Variants in FBN3 observed in about 807,000 individuals in gnomAD.
FBN3 encodes the protein fibrillin 3, also known as fibrillin-3.
Under a neutral mutation model 330.1 loss-of-function variants are expected in FBN3, and 234 were observed. That is an observed-to-expected ratio of 0.71 (90% CI 0.64 to 0.79). FBN3 has a LOEUF of 0.79. Ranked by LOEUF, FBN3 falls within the 30% of genes least tolerant of loss-of-function variation. The pLI, the probability that FBN3 is intolerant of heterozygous loss-of-function variation, is 0.00. For missense variants in FBN3, 3,606 were observed against 3,886.9 expected, an observed-to-expected ratio of 0.93 and a Z score of 1.92; for synonymous variants, 1,458 against 1,517.3, an observed-to-expected ratio of 0.96 and a Z score of 0.91.
At position 8,138,418 on chromosome 19, in the gene FBN3, C is replaced by G; in HGVS notation, c.1012G>C (p.Gly338Arg). 6.2e-7 allele frequency: 1 copy of G among 1,611,510 alleles called. No individual in the cohort carries two copies. Among genetic ancestry groups the G allele is most frequent in the South Asian group, 1.1e-5 (1 of 90,986 alleles). ...GGCTGCAGCTCTTACTCACTGGAGC[C>G]CCGAGGAGGACACAGCTCAGGGACC... is the stretch of plus-strand genomic sequence containing the variant. ...GPVPELCPPR[G>R]SNEFQQLCAQ... The change falls in exon 9 of 64, where the codon GGC becomes CGC. Residue 338 changes from glycine (G) to arginine (R), a missense_variant. By Grantham distance (125) the Gly-to-Arg change is moderately radical. Coordinates refer to ENST00000600128, the MANE Select transcript of FBN3 (RefSeq NM_032447.5).
At position 8,086,188 on chromosome 19, in the gene FBN3, A is replaced by G. The variant is rs747635788; in HGVS notation, c.6880+12T>C. 2.6e-6 allele frequency: 4 copies of G among 1,559,992 alleles called. No homozygotes were observed. The highest frequency in any genetic ancestry group is 1.7e-5 in the Admixed American group (1 of 57,438). On this transcript the variant is annotated intron_variant, in intron 55 of 63. Transcript: ENST00000600128. ...GTGGTTGCAACCACTGTGCGTGTCCAGCCACACTCACCGTGGCACTCGGTA... is the reference window on the plus strand; with the variant it reads ...GTGGTTGCAACCACTGTGCGTGTCCGGCCACACTCACCGTGGCACTCGGTA...
At chr19:8,106,373 G>T in intron 37 of FBN3, 140 bp from the exon 38 acceptor site, 1 of 742,208 alleles carries the variant, frequency 1.3e-6, no homozygotes. Flanking sequence ...CATTTAAAGG[G>T]TCTATCTTGA....
In FBN3 at chr19:8,112,001, C is replaced by T. The variant is rs780236812; in HGVS notation, c.3937G>A (p.Val1313Met). ...SFSCRCLPGW[V>M]GDGFECHDLD... The stretch of plus-strand genomic sequence containing the variant: ...CCGTGACATTCGAAGCCATCCCCCA[C>T]CCAGCCTGGCAGGCACCTACAGCTG... The change falls in exon 31 of 64, where the codon GTG (valine) becomes ATG (methionine). Residue 1313 changes from valine (V) to methionine (M), a missense_variant. Coordinates refer to ENST00000600128, the MANE Select transcript of FBN3 (RefSeq NM_032447.5). The T allele has an allele frequency of 3.7e-6, 6 of 1,611,086 alleles. No homozygotes were observed. In the East Asian group the frequency reaches 1.1e-4, roughly 30 times the overall value.
chr19:8,081,095 T>C lies in FBN3; in HGVS notation c.7361A>G (p.Gln2454Arg). 6.2e-7 allele frequency: 1 copy of C among 1,613,814 alleles called. No individual in the cohort carries two copies. The highest frequency in any genetic ancestry group is 1.1e-5 in the South Asian group (1 of 91,082). ...CKDLDECTSR[Q>R]HNCQFLCVNT... is the part of the protein sequence containing the mutation. The stretch of plus-strand genomic sequence containing the variant: ...GACACAGAGGAACTGACAGTTGTGC[T>C]GCCGGGAGGTGCATTCGTCCAGGTC... The change falls in exon 59 of 64, where the codon CAG (glutamine) becomes CGG (arginine). Residue 2454 changes from glutamine (Q) to arginine (R), a missense_variant. Coordinates refer to ENST00000600128, the MANE Select transcript of FBN3 (RefSeq NM_032447.5).
At chr19:8,119,544 C>T (rs1301202426) in intron 25 of FBN3, among the ~76,000 whole-genome samples, 1 of 152,106 alleles carries the variant, frequency 6.6e-6, no homozygotes, top group African/African-American at 2.4e-5. Flanking sequence ...GATGGAGTCT[C>T]GCTCTGTTGC....
At chr19:8,088,227 C>T in intron 51 of FBN3, 48 bp from the exon 52 acceptor site, 1 of 1,541,578 alleles carries the variant, frequency 6.5e-7, no homozygotes, top group Non-Finnish European at 8.7e-7. Flanking sequence ...GGTCCCCCAT[C>T]CTCAGTAGCA....
chr19:8,079,944 G>A (rs988800280), intron 59 of FBN3, among the ~76,000 whole-genome samples: 4 of 152,112 alleles, frequency 2.6e-5, no homozygotes, highest in South Asian at 4.2e-4. Context: ...TTCTGTGCTA[G>A]AAGGAAAGTT....
intron 46 of FBN3, 76 bp downstream of exon 46, chr19:8,095,299 C>A: frequency 6.8e-7 from 1 of 1,473,490 alleles, no homozygotes; most frequent in South Asian, 1.3e-5. Context: ...TCTATGCTCA[C>A]CCAGAAGTAC....
intron 11 of FBN3, 24 bp downstream of exon 11, chr19:8,136,364 C>T (rs770854323): frequency 6.2e-7 from 1 of 1,610,096 alleles, no homozygotes; most frequent in Non-Finnish European, 8.5e-7. Flanking sequence ...GAACCGCCCC[C>T]CCTTCCACCT....
At chr19:8,111,944 C>G (rs2082596844) in intron 31 of FBN3, 33 bp downstream of exon 31, 4 of 1,044,708 alleles carry the variant, frequency 3.8e-6, no homozygotes, top group Non-Finnish European at 5.4e-6. Flanking sequence ...ACCTCTACTG[C>G]TTTGCCCCCA....
intron 16 of FBN3, among the ~76,000 whole-genome samples, chr19:8,130,868 G>T (rs1410347792): frequency 2.0e-5 from 3 of 151,088 alleles, no homozygotes; most frequent in African/African-American, 7.3e-5. Context: ...AAAAAGGGTG[G>T]GGGGAGTTTT....
At position 8,125,989 on chromosome 19, in the gene FBN3, T is replaced by C; in HGVS notation, c.2634A>G (p.Gly878=). The change falls in exon 22 of 64, where the codon GGA becomes GGG. Residue 878 remains glycine (G), a synonymous_variant. Coordinates refer to ENST00000600128, the MANE Select transcript of FBN3 (RefSeq NM_032447.5). ...TGACGCAACGCCCGTTGGGACAGAC[T>C]CCCGGGAAGGACTCACACTCGTTCA... ...DDVNECESFP[G]VCPNGRCVNT... 3 of 1,613,688 alleles carry C rather than the reference T, an allele frequency of 1.9e-6. No homozygotes were observed. The highest frequency in any genetic ancestry group is 2.5e-6 in the Non-Finnish European group (3 of 1,179,942).
chr19:8,125,684 A>T (rs62126087), intron 22 of FBN3, among the ~76,000 whole-genome samples: 1 of 151,302 alleles, frequency 6.6e-6, no homozygotes, highest in South Asian at 2.1e-4. Context: ...CCAGCTACTC[A>T]GGAGGCTGAG....
intron 16 of FBN3, among the ~76,000 whole-genome samples, chr19:8,130,599 A>AGGAAGGAAGGAAG (rs1340081934): frequency 1.4e-4 from 2 of 14,298 alleles, no homozygotes; most frequent in Non-Finnish European, 2.8e-4. Flanking sequence ...AAAGAAAGAA[A>AGGAAGGAAGGAAG]GAAAGAAAGA....
At position 8,081,473 on chromosome 19, in the gene FBN3, A is replaced by C. The variant is rs1164766279; in HGVS notation, c.7221T>G (p.Asp2407Glu). 1 of 1,603,852 alleles carries C rather than the reference A, an allele frequency of 6.2e-7. No homozygotes were observed. The highest frequency in any genetic ancestry group is 8.5e-7 in the Non-Finnish European group (1 of 1,175,822). ...ATGGCTTGGGGACCTGGCTGCACTCATCCATATCTGGGGAAGGACAGCGTG... is the reference window on the plus strand; with the variant it reads ...ATGGCTTGGGGACCTGGCTGCACTCCTCCATATCTGGGGAAGGACAGCGTG... ...DATATTCLDMDECSQVPKPCT... is the reference protein window; with the variant it reads ...DATATTCLDMEECSQVPKPCT... The change falls in exon 58 of 64, where the codon GAT (aspartate) becomes GAG (glutamate). Residue 2407 changes from aspartate (D) to glutamate (E), a missense_variant. Transcript: ENST00000600128.
intron 62 of FBN3, among the ~76,000 whole-genome samples, 170 bp downstream of exon 62, chr19:8,072,893 C>T (rs781452807): frequency 4.0e-5 from 6 of 149,800 alleles, no homozygotes; most frequent in Non-Finnish European, 5.9e-5. Context: ...GGACTCTGTG[C>T]ATATGTGGGC....
rs2082219762 is a variant in FBN3, at chr19:8,096,851, C to T, written c.5413+30G>A. 2 of 1,608,726 alleles carry T rather than the reference C, an allele frequency of 1.2e-6. No individual in the cohort carries two copies. The highest frequency in any genetic ancestry group is 1.7e-6 in the Non-Finnish European group (2 of 1,178,836). On this transcript the variant is annotated intron_variant, in intron 43 of 63. Transcript: ENST00000600128. This position sits in a 1 kb window ranked among gnomAD's most constrained non-coding sequence, Gnocchi z 4.6. ...TCCCCATGGGTGACAGAGCCCAGCTCCCTCACCTCCTCCCAGGGACCCTGC... is the reference window on the plus strand; with the variant it reads ...TCCCCATGGGTGACAGAGCCCAGCTTCCTCACCTCCTCCCAGGGACCCTGC...
chr19:8,086,983 G>T, intron 54 of FBN3, 94 bp downstream of exon 54: 1 of 1,454,962 alleles, frequency 6.9e-7, no homozygotes, highest in Non-Finnish European at 9.2e-7. Context: ...TGGGATGACA[G>T]GTATGAGTCA....
chr19:8,088,354 G>A (rs1395224009), intron 51 of FBN3, among the ~76,000 whole-genome samples, 175 bp from the exon 52 acceptor site: 1 of 152,202 alleles, frequency 6.6e-6, no homozygotes, highest in African/African-American at 2.4e-5. Context: ...GAGTGAATGT[G>A]TGAGCAAGTG....
Sources: allele counts gnomAD v4.1 joint callset (sites outside exome capture counted in the v4.1 genomes callset), GRCh38; gene constraint gnomAD v4.1.1; non-coding constraint Gnocchi (gnomAD v3.1); transcripts MANE v1.5; gene names NCBI Gene and HGNC (gene_info 2026-07-23, HGNC 2026-07-21).